IP6K3: variants seen among roughly 807,000 people sequenced by gnomAD.
IP6K3 encodes ATP:1D-myo-inositol-hexakisphosphate phosphotransferase.
A neutral mutation model predicts 28.8 loss-of-function variants in IP6K3; 20 were observed. The observed-to-expected ratio is 0.70, with a 90% CI of 0.49 to 1.01. IP6K3 has a LOEUF of 1.01. Among genes scored for constraint, IP6K3 ranks in the 50% least tolerant of loss-of-function variants. The pLI is 0.00. For synonymous variants in IP6K3, 213 were observed against 221.3 expected (o/e 0.96, Z 0.33); for missense variants, 480 against 537.1 (o/e 0.89, Z 1.05).
At chr6:33,750,000 G>GTC (rs917777599), upstream of IP6K3, among the ~76,000 whole-genome samples, 5 of 152,080 alleles carry the variant, frequency 3.3e-5, no homozygotes, top group African/African-American at 9.7e-5. Context: ...TGGTGGGCAG[G>GTC]TCTCTCTCTG....
At chr6:33,756,256 G>C in the IP6K3 span, among the ~76,000 whole-genome samples, 1 of 152,188 alleles carries the variant, frequency 6.6e-6, no homozygotes, top group South Asian at 2.1e-4. Flanking sequence ...GTGTATTGGG[G>C]GTTTCAGTGT....
At chr6:33,757,071 G>A in the IP6K3 span, among the ~76,000 whole-genome samples, 1 of 152,242 alleles carries the variant, frequency 6.6e-6, no homozygotes, top group East Asian at 1.9e-4. Flanking sequence ...CTCACGTGGA[G>A]GACACCCTTA....
chr6:33,756,337 A>G, the IP6K3 span, among the ~76,000 whole-genome samples: 1 of 152,136 alleles, frequency 6.6e-6, no homozygotes, highest in Non-Finnish European at 1.5e-5. Context: ...TAGGATTGCC[A>G]GTGTGTAGAT....
chr6:33,754,753 A>G, the IP6K3 span, among the ~76,000 whole-genome samples: 1 of 152,172 alleles, frequency 6.6e-6, no homozygotes, highest in Non-Finnish European at 1.5e-5. Context: ...AAGACCCAGG[A>G]GGGCAGGGGA....
At chr6:33,730,543 A>G (rs1021941405) in intron 2 of IP6K3, among the ~76,000 whole-genome samples, 17 of 152,324 alleles carry the variant, frequency 1.1e-4, no homozygotes, top group Non-Finnish European at 1.0e-4. Context: ...CCCTAGGCCA[A>G]GCCCACTGTC....
chr6:33,728,037 C>A, intron 3 of IP6K3, 50 bp downstream of exon 3: 1 of 1,583,280 alleles, frequency 6.3e-7, no homozygotes, highest in East Asian at 2.2e-5. Flanking sequence ...GGAGCAGTGC[C>A]GGTCCCTGCC....
At chr6:33,741,645 CAAAAAAAAAA>C (rs11403411) in intron 1 of IP6K3, among the ~76,000 whole-genome samples, 13 of 29,378 alleles carry the variant, frequency 4.4e-4, no homozygotes, top group Non-Finnish European at 1.5e-4. Flanking sequence ...GACTCCATCT[CAAAAAAAAAA>C]AAAAAAAAAA....
At chr6:33,759,613 C>A in the IP6K3 span, among the ~76,000 whole-genome samples, 9 of 152,302 alleles carry the variant, frequency 5.9e-5, no homozygotes, top group Non-Finnish European at 1.0e-4. Context: ...CCTATAATCC[C>A]AGCACTTTGG....
intron 5 of IP6K3, 28 bp downstream of exon 5, chr6:33,725,413 C>G: frequency 6.3e-7 from 1 of 1,592,008 alleles, no homozygotes; most frequent in Non-Finnish European, 8.5e-7. Flanking sequence ...GGGATGTCCC[C>G]CCCTGTGGTG....
At position 33,735,669 on chromosome 6, in the gene IP6K3, G is replaced by T; in HGVS notation, c.-179-14C>A. ...CAGCGGGGTCCTCTGGAAAGCAGGG[G>T]AGGAAGGAGGAAGTTATATGAGGGA... On this transcript the variant is annotated splice_polypyrimidine_tract_variant and intron_variant, in intron 1 of 5. Transcript: ENST00000293756. 1 of 1,363,182 alleles carries T rather than the reference G, an allele frequency of 7.3e-7. No homozygotes were observed. The highest frequency in any genetic ancestry group is 9.7e-7 in the Non-Finnish European group (1 of 1,035,868). The allele number at this position is 1,363,182 out of a possible 1,614,324, so 84.4% of individuals were successfully genotyped here.
the IP6K3 span, among the ~76,000 whole-genome samples, chr6:33,754,681 C>G: frequency 6.6e-6 from 1 of 152,170 alleles, no homozygotes; most frequent in Non-Finnish European, 1.5e-5. Context: ...TCCCACTCCC[C>G]ATGGCCCCAT....
the IP6K3 span, among the ~76,000 whole-genome samples, chr6:33,761,941 G>C: frequency 0.81 from 123,773 of 152,064 alleles, 50,627 homozygotes; most frequent in East Asian, 0.98. Flanking sequence ...GCAGCCTGCT[G>C]TGTGGCACTC....
the IP6K3 span, among the ~76,000 whole-genome samples, chr6:33,762,019 G>A: frequency 6.6e-6 from 1 of 152,140 alleles, no homozygotes; most frequent in Non-Finnish European, 1.5e-5. Context: ...AGCCTGGTCA[G>A]CAGGCCCCAT....
intron 2 of IP6K3, among the ~76,000 whole-genome samples, chr6:33,732,818 A>C (rs1345230957): frequency 6.6e-6 from 1 of 152,210 alleles, no homozygotes; most frequent in Non-Finnish European, 1.5e-5. Flanking sequence ...TTTGCTTAGC[A>C]GCAGCCTACA....
chr6:33,732,917 C>G (rs899274489), intron 2 of IP6K3, among the ~76,000 whole-genome samples: 5 of 152,222 alleles, frequency 3.3e-5, no homozygotes, highest in African/African-American at 1.2e-4. Flanking sequence ...CATCTGAGCA[C>G]CTGAGTCCTG....
Position 33,742,361 on chromosome 6 carries a change from G to T in IP6K3, c.-180+4397C>A, listed in dbSNP as rs963338694. Among the ~76,000 whole-genome samples, 9 of 152,210 alleles carry T rather than the reference G, an allele frequency of 5.9e-5. No individual in the cohort carries two copies. Among genetic ancestry groups the T allele is most frequent in the Admixed American group, 1.3e-4 (2 of 15,290 alleles). ...GTCAGGCTCTTAGGGCCAGGGTGCTGTCTGGGGCCCTCTTTATGCTGTTTG... is the reference window on the plus strand; with the variant it reads ...GTCAGGCTCTTAGGGCCAGGGTGCTTTCTGGGGCCCTCTTTATGCTGTTTG... On this transcript the variant is annotated intron_variant, in intron 1 of 5. Coordinates refer to ENST00000293756, the MANE Select transcript of IP6K3 (RefSeq NM_054111.5). This position sits in a 1 kb window ranked among gnomAD's most constrained non-coding sequence, Gnocchi z 4.5.
chr6:33,749,054 C>T (rs35274562), upstream of IP6K3, among the ~76,000 whole-genome samples: 18,534 of 152,092 alleles, frequency 0.12, 1,506 homozygotes, highest in Middle Eastern at 0.21. Context: ...CACCTCTCCT[C>T]TCCCTATCAG....
chr6:33,745,926 T>G (rs1766892295), intron 1 of IP6K3, among the ~76,000 whole-genome samples: 1 of 152,188 alleles, frequency 6.6e-6, no homozygotes, highest in Admixed American at 6.5e-5. Context: ...TCTATTTGTA[T>G]GCTTGAAGTT....
intron 1 of IP6K3, chr6:33,739,064 A>G (rs1355178523): frequency 6.6e-6 from 1 of 152,196 alleles, no homozygotes; most frequent in Admixed American, 6.5e-5. Flanking sequence ...TGTCATTCCC[A>G]GCAGGGAACT....
Sources: gnomAD v4.1 joint callset for allele counts (sites outside exome capture counted in the v4.1 genomes callset) on GRCh38, gnomAD v4.1.1 for gene constraint, Gnocchi (gnomAD v3.1) non-coding constraint, MANE v1.5 for transcripts, NCBI Gene and HGNC (gene_info 2026-07-23, HGNC 2026-07-21) for gene names.